KRTAP9-2: variants seen among roughly 807,000 people sequenced by gnomAD.
The protein encoded by KRTAP9-2 is keratin-associated protein 9-2.
Under a neutral mutation model 14.1 loss-of-function variants are expected in KRTAP9-2, and 12 were observed. The observed-to-expected ratio is 0.85, with a 90% CI of 0.55 to 1.38. The LOEUF is 1.38. Ranked by LOEUF, KRTAP9-2 falls within the 40% of genes most tolerant of loss-of-function variation. The pLI is 0.00. For missense variants in KRTAP9-2, 185 were observed against 216.3 expected (o/e 0.86, Z 0.91); for synonymous variants, 72 against 79.5 (o/e 0.91, Z 0.50).
Position 41,227,363 on chromosome 17 carries a change from T to C in KRTAP9-2, c.*184T>C. ...GGAGGGCAGAATACTTCATCCTGAT[T>C]CTCTTTTTCCTTACACCTTGTGGAT... On this transcript the variant is annotated 3_prime_UTR_variant, in exon 1 of 1. Coordinates refer to ENST00000377721, the MANE Select transcript of KRTAP9-2 (RefSeq NM_031961.3). 4.0e-6 allele frequency: 2 copies of C among 499,406 alleles called. No homozygotes were observed. Among genetic ancestry groups the C allele is most frequent in the East Asian group, 3.1e-5 (1 of 32,366 alleles). 30.9% of individuals were successfully genotyped at this position (499,406 alleles called of 1,614,324 possible). A position where few individuals can be genotyped will look rare whatever the true frequency, so the allele number is the denominator to read the frequency against.
Position 41,226,858 on chromosome 17 carries a change from G to T in KRTAP9-2, c.204G>T (p.Gln68His). ...QNTCCRTTCCQPTCVTSCCQP... is the reference protein window; with the variant it reads ...QNTCCRTTCCHPTCVTSCCQP... ...CCTGCTGTAGGACCACCTGCTGCCA[G>T]CCCACCTGTGTGACCAGCTGCTGCC... Residue 68 changes from glutamine (Q) to histidine (H), a missense_variant, in exon 1 of 1, where the codon CAG (glutamine) becomes CAT (histidine). Coordinates refer to ENST00000377721, the MANE Select transcript of KRTAP9-2 (RefSeq NM_031961.3). 1.3e-6 allele frequency: 2 copies of T among 1,519,490 alleles called. No individual in the cohort carries two copies. Among genetic ancestry groups the T allele is most frequent in the Non-Finnish European group, 1.8e-6 (2 of 1,122,720 alleles). The allele number at this position is 1,519,490 out of a possible 1,614,324, so 94.1% of individuals were successfully genotyped here.
Position 41,227,199 on chromosome 17 carries a change from C to T in KRTAP9-2, c.*20C>T. On this transcript the variant is annotated 3_prime_UTR_variant, in exon 1 of 1. Coordinates refer to ENST00000377721, the MANE Select transcript of KRTAP9-2 (RefSeq NM_031961.3). Reference sequence around the variant, plus strand: ...TGCTGATCACGTTCCAAGAGAACCACCATCCTCACACAACAAATTTCTGCT... The same window carrying T: ...TGCTGATCACGTTCCAAGAGAACCATCATCCTCACACAACAAATTTCTGCT... 3 of 1,571,496 alleles carry T rather than the reference C, an allele frequency of 1.9e-6. No homozygotes were observed. The highest frequency in any genetic ancestry group is 2.6e-6 in the Non-Finnish European group (3 of 1,152,402).
Position 41,226,939 on chromosome 17 carries a change from C to T in KRTAP9-2, c.285C>T (p.Cys95=), listed in dbSNP as rs776170247. The T allele has an allele frequency of 4.3e-6, 7 of 1,611,290 alleles. No homozygotes were observed. The highest frequency in any genetic ancestry group is 5.9e-6 in the Non-Finnish European group (7 of 1,179,992). Residue 95 remains cysteine (C), a synonymous_variant, in exon 1 of 1, where the codon TGC becomes TGT. Coordinates refer to ENST00000377721, the MANE Select transcript of KRTAP9-2 (RefSeq NM_031961.3). ...AGCCCACCTGCTGTGGGTCCAGCTG[C>T]TGTGGCCAAACCAGCTGTGGGTCCA... ...CCQPTCCGSS[C]CGQTSCGSSC...
Position 41,227,150 on chromosome 17 carries a change from T to C in KRTAP9-2, c.496T>C (p.Ser166Pro). ...CACTTGCTTCCAGCCCACCTGTGTG[T>C]CCAGCTGCTGCCAGCCTTCTTGCTG... The part of the protein sequence containing the change: ...RTTCFQPTCV[S>P]SCCQPSCC The change falls in exon 1 of 1, where the codon TCC (serine) becomes CCC (proline). Residue 166 changes from serine (S) to proline (P), a missense_variant. This residue lies in a region of KRTAP9-2 where 164 missense variants were observed against 168.3 expected (regional missense o/e 0.97). Transcript: ENST00000377721. 8.1e-6 allele frequency: 13 copies of C among 1,602,918 alleles called. No individual in the cohort carries two copies. Among genetic ancestry groups the C allele is most frequent in the Non-Finnish European group, 1.1e-5 (13 of 1,176,354 alleles).
Position 41,227,142 on chromosome 17 carries a change from C to T in KRTAP9-2, c.488C>T (p.Thr163Ile). ...TCCRTTCFQP[T>I]CVSSCCQPSC... ...TGCAGGACCACTTGCTTCCAGCCCA[C>T]CTGTGTGTCCAGCTGCTGCCAGCCT... is the stretch of plus-strand genomic sequence containing the variant. The change falls in exon 1 of 1, where the codon ACC becomes ATC. Residue 163 changes from threonine to isoleucine, a missense_variant. Physicochemically the swap from Thr to Ile is moderately conservative, Grantham distance 89. Transcript: ENST00000377721. 6.2e-7 allele frequency: 1 copy of T among 1,606,720 alleles called. No homozygotes were observed. The highest frequency in any genetic ancestry group is 8.5e-7 in the Non-Finnish European group (1 of 1,177,900).
chr17:41,226,936 C>A lies in KRTAP9-2; in HGVS notation c.282C>A (p.Ser94Arg). ...GCCAGCCCACCTGCTGTGGGTCCAG[C>A]TGCTGTGGCCAAACCAGCTGTGGGT... ...PCCQPTCCGS[S>R]CCGQTSCGSS... Residue 94 changes from serine (S) to arginine (R), a missense_variant, in exon 1 of 1, where the codon AGC (serine) becomes AGA (arginine). Physicochemically the swap from Ser to Arg is moderately radical, Grantham distance 110 (BLOSUM62 -1). Around this residue, in one of 2 missense-constraint regions of KRTAP9-2, gnomAD observed 164 missense variants for 168.3 expected, o/e 0.97. Coordinates refer to ENST00000377721, the MANE Select transcript of KRTAP9-2 (RefSeq NM_031961.3). 1 of 1,611,456 alleles carries A rather than the reference C, an allele frequency of 6.2e-7. No homozygotes were observed. Among genetic ancestry groups the A allele is most frequent in the Non-Finnish European group, 8.5e-7 (1 of 1,179,978 alleles).
In KRTAP9-2 at chr17:41,226,911, G is replaced by C; in HGVS notation, c.257G>C (p.Cys86Ser). 1 of 1,612,464 alleles carries C rather than the reference G, an allele frequency of 6.2e-7. No individual in the cohort carries two copies. Among genetic ancestry groups the C allele is most frequent in the Non-Finnish European group, 8.5e-7 (1 of 1,179,690 alleles). Residue 86 changes from cysteine to serine, a missense_variant, in exon 1 of 1, where the codon TGC becomes TCC. Physicochemically the swap from Cys to Ser is moderately radical, Grantham distance 112. This residue lies in a region of KRTAP9-2 where 164 missense variants were observed against 168.3 expected (regional missense o/e 0.97). Coordinates refer to ENST00000377721, the MANE Select transcript of KRTAP9-2 (RefSeq NM_031961.3). ...CQPSCCSTPC[C>S]QPTCCGSSCC... ...CCTTCCTGCTGCAGCACACCCTGCT[G>C]CCAGCCCACCTGCTGTGGGTCCAGC...
chr17:41,226,841 AGG>A, the KRTAP9-2 span: 3 of 1,519,930 alleles, frequency 2.0e-6, no homozygotes, highest in Non-Finnish European at 2.7e-6. Context: ...CACCTGCTGT[AGG>A]ACCACCTGCT....
In KRTAP9-2 at chr17:41,226,804, T is replaced by G. The variant is rs142798084; in HGVS notation, c.150T>G (p.Pro50=). The G allele has an allele frequency of 3.1e-4, 465 of 1,505,516 alleles. 4 individuals carry two copies. The African/African-American group carries it at 6.0e-3, about 19-fold the overall frequency. 93.3% of individuals were successfully genotyped at this position (1,505,516 alleles called of 1,614,324 possible). A position where few individuals can be genotyped will look rare whatever the true frequency, so the allele number is the denominator to read the frequency against. ...GCTGTGTGTCCAGCTGCTGCCAGCC[T>G]TGCTGCCGCCCAACTTGCTGTCAAA... ...PACCVSSCCQ[P]CCRPTCCQNT... Residue 50 remains proline (P), a synonymous_variant, in exon 1 of 1, where the codon CCT becomes CCG. Coordinates refer to ENST00000377721, the MANE Select transcript of KRTAP9-2 (RefSeq NM_031961.3).
In KRTAP9-2 at chr17:41,226,867, T is replaced by G. The variant is rs150429070; in HGVS notation, c.213T>G (p.Cys71Trp). The G allele has an allele frequency of 1.4e-5, 22 of 1,609,820 alleles. No homozygotes were observed. In the South Asian group the frequency reaches 1.4e-4, roughly 10 times the overall value. Reference sequence around the variant, plus strand: ...GGACCACCTGCTGCCAGCCCACCTGTGTGACCAGCTGCTGCCAGCCTTCCT... The same window carrying G: ...GGACCACCTGCTGCCAGCCCACCTGGGTGACCAGCTGCTGCCAGCCTTCCT... ...CCRTTCCQPT[C>W]VTSCCQPSCC... The change falls in exon 1 of 1, where the codon TGT becomes TGG. Residue 71 changes from cysteine (C) to tryptophan (W), a missense_variant. By Grantham distance (215) the Cys-to-Trp change is radical. Coordinates refer to ENST00000377721, the MANE Select transcript of KRTAP9-2 (RefSeq NM_031961.3).
Position 41,226,904 on chromosome 17 carries a change from C to A in KRTAP9-2, c.250C>A (p.Pro84Thr), listed in dbSNP as rs34024914. The A allele has an allele frequency of 8.1e-3, 12,958 of 1,608,166 alleles. 870 individuals are homozygous for A. In the African/African-American group the frequency reaches 0.15, roughly 19 times the overall value. ...CTGCCAGCCTTCCTGCTGCAGCACA[C>A]CCTGCTGCCAGCCCACCTGCTGTGG... Reference protein sequence around the residue: ...SCCQPSCCSTPCCQPTCCGSS... With the variant: ...SCCQPSCCSTTCCQPTCCGSS... The change falls in exon 1 of 1, where the codon CCC becomes ACC. Residue 84 changes from proline (P) to threonine (T), a missense_variant. Transcript: ENST00000377721.
Position 41,227,036 on chromosome 17 carries a change from C to T in KRTAP9-2, c.382C>T (p.Leu128=). The T allele has an allele frequency of 6.2e-7, 1 of 1,613,332 alleles. No individual in the cohort carries two copies. Among genetic ancestry groups the T allele is most frequent in the Non-Finnish European group, 8.5e-7 (1 of 1,179,870 alleles). Residue 128 remains leucine (L), a synonymous_variant, in exon 1 of 1, where the codon CTG becomes TTG. Coordinates refer to ENST00000377721, the MANE Select transcript of KRTAP9-2 (RefSeq NM_031961.3). Reference sequence around the variant, plus strand: ...CTGCTACTACCCCACGACTGTCTGCCTGCCTGGTTGCCTAAACCAGAGCTG... The same window carrying T: ...CTGCTACTACCCCACGACTGTCTGCTTGCCTGGTTGCCTAAACCAGAGCTG... ...RTCYYPTTVC[L]PGCLNQSCGS... is the part of the protein sequence containing the mutation.
chr17:41,227,513 T>C lies in KRTAP9-2; in HGVS notation c.*334T>C. 1.7e-5 allele frequency: 3 copies of C among 175,340 alleles called. No individual in the cohort carries two copies. Among genetic ancestry groups the C allele is most frequent in the Non-Finnish European group, 2.8e-5 (3 of 109,018 alleles). The allele number at this position is 175,340 out of a possible 1,614,324, so 10.9% of individuals were successfully genotyped here. On this transcript the variant is annotated 3_prime_UTR_variant, in exon 1 of 1. Transcript: ENST00000377721. ...TGCAACTGATCGATGATCTTTGCAATCTTTTTTTTGTTTTCAATATCCTCC... is the reference window on the plus strand; with the variant it reads ...TGCAACTGATCGATGATCTTTGCAACCTTTTTTTTGTTTTCAATATCCTCC...
chr17:41,227,533 T>C lies in KRTAP9-2; in HGVS notation c.*354T>C. On this transcript the variant is annotated 3_prime_UTR_variant, in exon 1 of 1. Coordinates refer to ENST00000377721, the MANE Select transcript of KRTAP9-2 (RefSeq NM_031961.3). ...TGCAATCTTTTTTTTGTTTTCAATA[T>C]CCTCCTCATCGTTCTTGTATCCTTC... 1 of 142,066 alleles carries C rather than the reference T, an allele frequency of 7.0e-6. No homozygotes were observed. The highest frequency in any genetic ancestry group is 1.1e-5 in the Non-Finnish European group (1 of 88,012). The allele number at this position is 142,066 out of a possible 1,614,324, so 8.8% of individuals were successfully genotyped here.
rs2015770525 is a variant in KRTAP9-2, at chr17:41,226,848, C to T, written c.194C>T (p.Thr65Ile). The T allele has an allele frequency of 1.3e-6, 2 of 1,516,664 alleles. No individual in the cohort carries two copies. The highest frequency in any genetic ancestry group is 2.4e-5 in the East Asian group (1 of 41,176). The allele number at this position is 1,516,664 out of a possible 1,614,324, so 94.0% of individuals were successfully genotyped here. Residue 65 changes from threonine to isoleucine, a missense_variant, in exon 1 of 1, where the codon ACC (threonine) becomes ATC (isoleucine). Thr to Ile is a moderately conservative substitution (Grantham distance 89). This residue lies in a region of KRTAP9-2 where 164 missense variants were observed against 168.3 expected (regional missense o/e 0.97). Transcript: ENST00000377721. ...TGTCAAAACACCTGCTGTAGGACCA[C>T]CTGCTGCCAGCCCACCTGTGTGACC... ...TCCQNTCCRT[T>I]CCQPTCVTSC...
In KRTAP9-2 at chr17:41,226,768, C is replaced by T. The variant is rs1316759033; in HGVS notation, c.114C>T (p.Cys38=). 6 of 1,519,482 alleles carry T rather than the reference C, an allele frequency of 3.9e-6. No individual in the cohort carries two copies. The highest frequency in any genetic ancestry group is 5.3e-6 in the Non-Finnish European group (6 of 1,122,388). The allele number at this position is 1,519,482 out of a possible 1,614,324, so 94.1% of individuals were successfully genotyped here. The change falls in exon 1 of 1, where the codon TGC becomes TGT. Residue 38 remains cysteine (C), a synonymous_variant. Transcript: ENST00000377721. ...TVTTCSSTPC[C]QPACCVSSCC... is the part of the protein sequence containing the mutation. The stretch of plus-strand genomic sequence containing the variant: ...CCACCTGCAGCAGCACACCCTGCTG[C>T]CAGCCCGCCTGCTGTGTGTCCAGCT...
At position 41,227,372 on chromosome 17, in the gene KRTAP9-2, C is replaced by G; in HGVS notation, c.*193C>G. On this transcript the variant is annotated 3_prime_UTR_variant, in exon 1 of 1. Coordinates refer to ENST00000377721, the MANE Select transcript of KRTAP9-2 (RefSeq NM_031961.3). ...AATACTTCATCCTGATTCTCTTTTTCCTTACACCTTGTGGATCATGTGCCA... is the reference window on the plus strand; with the variant it reads ...AATACTTCATCCTGATTCTCTTTTTGCTTACACCTTGTGGATCATGTGCCA... 1 of 484,028 alleles carries G rather than the reference C, an allele frequency of 2.1e-6. No homozygotes were observed. The highest frequency in any genetic ancestry group is 3.4e-6 in the Non-Finnish European group (1 of 295,770). 30.0% of individuals were successfully genotyped at this position (484,028 alleles called of 1,614,324 possible). A position where few individuals can be genotyped will look rare whatever the true frequency, so the allele number is the denominator to read the frequency against.
Position 41,226,786 on chromosome 17 carries a change from G to A in KRTAP9-2, c.132G>A (p.Val44=), listed in dbSNP as rs761863797. Reference sequence around the variant, plus strand: ...CCTGCTGCCAGCCCGCCTGCTGTGTGTCCAGCTGCTGCCAGCCTTGCTGCC... The same window carrying A: ...CCTGCTGCCAGCCCGCCTGCTGTGTATCCAGCTGCTGCCAGCCTTGCTGCC... ...STPCCQPACC[V]SSCCQPCCRP... Residue 44 remains valine, a synonymous_variant, in exon 1 of 1, where the codon GTG becomes GTA. Coordinates refer to ENST00000377721, the MANE Select transcript of KRTAP9-2 (RefSeq NM_031961.3). 3 of 1,522,214 alleles carry A rather than the reference G, an allele frequency of 2.0e-6. No individual in the cohort carries two copies. Among genetic ancestry groups the A allele is most frequent in the Non-Finnish European group, 2.7e-6 (3 of 1,124,348 alleles). The allele number at this position is 1,522,214 out of a possible 1,614,324, so 94.3% of individuals were successfully genotyped here. A position where few individuals can be genotyped will look rare whatever the true frequency, so the allele number is the denominator to read the frequency against.
chr17:41,226,909 C>A, the KRTAP9-2 span: 1 of 1,614,056 alleles, frequency 6.2e-7, no homozygotes, highest in Non-Finnish European at 8.5e-7. Flanking sequence ...GCACACCCTG[C>A]TGCCAGCCCA....
Sources: allele counts gnomAD v4.1 joint callset, GRCh38; gene constraint gnomAD v4.1.1; regional missense constraint gnomAD v4.1.1; transcripts MANE v1.5; gene names NCBI Gene and HGNC (gene_info 2026-07-23, HGNC 2026-07-21).